The following CPAMD8 variants were observed in gnomAD, a reference collection of about 807,000 sequenced individuals.
CPAMD8 encodes the protein C3 and PZP like alpha-2-macroglobulin domain containing 8, also known as C3 and PZP-like alpha-2-macroglobulin domain-containing protein 8.
A neutral mutation model predicts 224.7 loss-of-function variants in CPAMD8; 146 were observed. That is an observed-to-expected ratio of 0.65 (90% CI 0.57 to 0.75). The LOEUF (loss-of-function observed/expected upper bound fraction) is 0.75. Ranked by LOEUF, CPAMD8 falls within the 30% of genes least tolerant of loss-of-function variation. The pLI, the probability that CPAMD8 is intolerant of heterozygous loss-of-function variation, is 0.00. For missense variants in CPAMD8, 2,301 were observed against 2,537.5 expected, an observed-to-expected ratio of 0.91 and a Z score of 2.00; for synonymous variants, 966 against 1,044.6, an observed-to-expected ratio of 0.92 and a Z score of 1.45.
At chr19:16,986,284 C>A (rs2055718607) in intron 13 of CPAMD8, among the ~76,000 whole-genome samples, 1 of 152,114 alleles carries the variant, frequency 6.6e-6, no homozygotes, top group African/African-American at 2.4e-5. Flanking sequence ...TGTGCCCGGG[C>A]CCCTCATGGC....
At chr19:16,896,147 C>CT in intron 41 of CPAMD8, 29 bp downstream of exon 41, 1 of 1,612,512 alleles carries the variant, frequency 6.2e-7, no homozygotes, top group Non-Finnish European at 8.5e-7. Flanking sequence ...GCCTATGTCT[C>CT]TTATCTCTGG....
Position 16,928,943 on chromosome 19 carries a change from T to C in CPAMD8, c.3143A>G (p.Gln1048Arg). The C allele has an allele frequency of 1.3e-6, 2 of 1,598,216 alleles. No individual in the cohort carries two copies. Among genetic ancestry groups the C allele is most frequent in the Non-Finnish European group, 1.7e-6 (2 of 1,171,002 alleles). ...GCCCCAGGCAGTTCTGCTGTATACC[T>C]GGATAAGGCCACCACGCCAGCTGAT... ...FWISWRGGLI[Q>R]VGHGPEPSNE... The change falls in exon 24 of 42, where the codon CAG (glutamine) becomes CGG (arginine). Residue 1048 changes from glutamine to arginine, a missense_variant and splice_region_variant. This residue lies in a region of CPAMD8 where 1,709 missense variants were observed against 1,753.2 expected (regional missense o/e 0.97). Coordinates refer to ENST00000443236, the MANE Select transcript of CPAMD8 (RefSeq NM_015692.5).
chr19:16,952,235 T>TGGAGAAGGG, intron 19 of CPAMD8, 35 bp from the exon 20 acceptor site: 5 of 1,213,036 alleles, frequency 4.1e-6, no homozygotes, highest in Non-Finnish European at 5.9e-6. Context: ...TGGGGGGCCC[T>TGGAGAAGGG]TCTCCAGGGC....
In CPAMD8 at chr19:16,925,369, T is replaced by TC. The variant is rs2053324272; in HGVS notation, c.3373dup (p.Asp1125GlyfsTer47). On this transcript the variant is annotated frameshift_variant, in exon 26 of 42. Transcript: ENST00000443236. LOFTEE classifies it high-confidence loss of function. ...GTGGTTCAGGGTTGGCCCCATGACGTCCCCTGGTGGGAAGGAGAAGAGAGT... is the reference window on the plus strand; with the variant it reads ...GTGGTTCAGGGTTGGCCCCATGACGTCCCCCTGGTGGGAAGGAGAAGAGAGT... 2 of 1,613,346 alleles carry TC rather than the reference T, an allele frequency of 1.2e-6. No homozygotes were observed. The highest frequency in any genetic ancestry group is 1.7e-6 in the Non-Finnish European group (2 of 1,179,548).
chr19:16,968,529 G>A (rs1313025752), intron 18 of CPAMD8, among the ~76,000 whole-genome samples: 1 of 152,172 alleles, frequency 6.6e-6, no homozygotes, highest in Non-Finnish European at 1.5e-5. Context: ...AACCTATTTG[G>A]CAGTGAGCAA....
chr19:16,997,189 C>T lies in CPAMD8; in HGVS notation c.1017G>A (p.Val339=), dbSNP rs2056155349. Residue 339 remains valine, a synonymous_variant, in exon 11 of 42, where the codon GTG becomes GTA. Transcript: ENST00000443236. Reference sequence around the variant, plus strand: ...ACCGGATGTCCACCAGCTGCCTCTGCACGGGGGTGGAGTCATCGAACGCGA... The same window carrying T: ...ACCGGATGTCCACCAGCTGCCTCTGTACGGGGGTGGAGTCATCGAACGCGA... ...QQVAFDDSTP[V]QRQLVDIRYS... 1 of 1,587,074 alleles carries T rather than the reference C, an allele frequency of 6.3e-7. No homozygotes were observed. The highest frequency in any genetic ancestry group is 2.2e-5 in the East Asian group (1 of 44,730).
chr19:16,896,549 C>A lies in CPAMD8; in HGVS notation c.5182G>T (p.Gly1728Trp), dbSNP rs1476169142. 1.3e-6 allele frequency: 2 copies of A among 1,501,028 alleles called. No individual in the cohort carries two copies. Among genetic ancestry groups the A allele is most frequent in the South Asian group, 2.5e-5 (2 of 79,674 alleles). The allele number at this position is 1,501,028 out of a possible 1,614,324, so 93.0% of individuals were successfully genotyped here. A position where few individuals can be genotyped will look rare whatever the true frequency, so the allele number is the denominator to read the frequency against. Residue 1728 changes from glycine (G) to tryptophan (W), a missense_variant, in exon 40 of 42, where the codon GGG (glycine) becomes TGG (tryptophan). Transcript: ENST00000443236. ...CGGCAGGCGCTGGCGTAGACCACCC[C>A]GTCGGAGCCGCACACCGGGTTCCCC... ...AQGNPVCGSD[G>W]VVYASACRLR...
At position 16,975,535 on chromosome 19, in the gene CPAMD8, C is replaced by T. The variant is rs147400290; in HGVS notation, c.1909-277G>A. Among the ~76,000 whole-genome samples the T allele has an allele frequency of 4.0e-3, 603 of 152,126 alleles. 7 individuals carry two copies. Among genetic ancestry groups the T allele is most frequent in the African/African-American group, 0.014 (563 of 41,518 alleles). ...CAGCCTGGGCAACATAGCAAGACCC[C>T]GCCCCTACAAAAGATAGAAAAAATT... On this transcript the variant is annotated intron_variant, in intron 16 of 41. Transcript: ENST00000443236.
chr19:16,898,060 C>T lies in CPAMD8; in HGVS notation c.4849-66G>A. 5 of 1,152,030 alleles carry T rather than the reference C, an allele frequency of 4.3e-6. No individual in the cohort carries two copies. The highest frequency in any genetic ancestry group is 6.2e-6 in the Non-Finnish European group (5 of 806,070). 71.4% of individuals were successfully genotyped at this position (1,152,030 alleles called of 1,614,324 possible). A position where few individuals can be genotyped will look rare whatever the true frequency, so the allele number is the denominator to read the frequency against. On this transcript the variant is annotated intron_variant, in intron 37 of 41. Transcript: ENST00000443236. The surrounding 1 kb of genome is among the most constrained non-coding windows in gnomAD (Gnocchi z 4.2). ...AGGCCCGGGGCGCTGAGCTCAGGCC[C>T]AGAACTGGCTGATTTCAGGGATACC...
intron 7 of CPAMD8, among the ~76,000 whole-genome samples, chr19:17,005,222 C>T (rs1414558130): frequency 6.6e-6 from 1 of 151,836 alleles, no homozygotes; most frequent in Non-Finnish European, 1.5e-5. Flanking sequence ...CAAAGTCACC[C>T]CTTGGTGGAA....
At chr19:16,935,359 C>T (rs1772506835) in intron 23 of CPAMD8, among the ~76,000 whole-genome samples, 1 of 152,092 alleles carries the variant, frequency 6.6e-6, no homozygotes, top group Non-Finnish European at 1.5e-5. Context: ...CTAAACATTC[C>T]CAACACCACA....
chr19:17,002,609 C>T (rs1040064003), intron 8 of CPAMD8: 2 of 332,894 alleles, frequency 6.0e-6, no homozygotes, highest in East Asian at 5.4e-5. Flanking sequence ...TAGAGTGTGG[C>T]GGATTCCAGC....
At chr19:16,997,589 G>T (rs1206187645) in intron 10 of CPAMD8, among the ~76,000 whole-genome samples, 1 of 152,102 alleles carries the variant, frequency 6.6e-6, no homozygotes, top group Non-Finnish European at 1.5e-5. Flanking sequence ...GGTGGCTCAC[G>T]CCTGTAATCC....
chr19:16,948,730 T>A (rs79071284), intron 20 of CPAMD8, among the ~76,000 whole-genome samples: 382 of 126,830 alleles, frequency 3.0e-3, no homozygotes, highest in African/African-American at 0.011. Context: ...CGAGACTCCA[T>A]CAAAAGAAGA....
intron 11 of CPAMD8, among the ~76,000 whole-genome samples, chr19:16,995,863 A>C (rs118155083): frequency 0.015 from 2,232 of 152,262 alleles, 32 homozygotes; most frequent in Middle Eastern, 0.027. Flanking sequence ...AAAAATTAAA[A>C]AATTGACTAG....
intron 18 of CPAMD8, among the ~76,000 whole-genome samples, chr19:16,966,399 A>G (rs1251616904): frequency 2.0e-5 from 3 of 152,228 alleles, no homozygotes; most frequent in Admixed American, 1.3e-4. Context: ...GTAGAAGAAA[A>G]CCTAGGCAAT....
At chr19:16,987,543 A>G (rs1230073069) in intron 13 of CPAMD8, among the ~76,000 whole-genome samples, 1 of 151,976 alleles carries the variant, frequency 6.6e-6, no homozygotes, top group Admixed American at 6.6e-5. Flanking sequence ...TCTTAATAAT[A>G]TTTTCCTTCC....
chr19:16,962,092 G>A (rs2054677420), intron 18 of CPAMD8, among the ~76,000 whole-genome samples: 1 of 152,220 alleles, frequency 6.6e-6, no homozygotes, highest in African/African-American at 2.4e-5. Flanking sequence ...AGATACAAGA[G>A]CAGAAAAGCT....
intron 27 of CPAMD8, among the ~76,000 whole-genome samples, chr19:16,915,679 T>C (rs1355885699): frequency 6.6e-6 from 1 of 152,126 alleles, no homozygotes; most frequent in Admixed American, 6.5e-5. Flanking sequence ...CAGGAGGCCA[T>C]GAGGGATGAA....
Sources: allele counts gnomAD v4.1 joint callset (sites outside exome capture counted in the v4.1 genomes callset), GRCh38; gene constraint gnomAD v4.1.1; regional missense constraint gnomAD v4.1.1; non-coding constraint Gnocchi (gnomAD v3.1); transcripts MANE v1.5; gene names NCBI Gene and HGNC (gene_info 2026-07-23, HGNC 2026-07-21).